PLCE1: variants seen among roughly 807,000 people sequenced by gnomAD.
PLCE1 encodes 1-phosphatidylinositol 4,5-bisphosphate phosphodiesterase epsilon-1.
PLCE1 carries 119 observed loss-of-function variants against 242.8 expected under a neutral mutation model. The observed-to-expected ratio is 0.49, with a 90% CI of 0.42 to 0.57. PLCE1 has a LOEUF of 0.57. PLCE1 is among the 20% of genes least tolerant of loss of function. PLCE1 has a pLI of 0.00. For synonymous variants in PLCE1, 945 were observed against 1,017.4 expected, an observed-to-expected ratio of 0.93 and a Z score of 1.35; for missense variants, 2,441 against 2,788.8, an observed-to-expected ratio of 0.88 and a Z score of 2.81.
At chr10:94,043,098 A>T (rs574960983) in intron 2 of PLCE1, among the ~76,000 whole-genome samples, 59 of 152,314 alleles carry the variant, frequency 3.9e-4, no homozygotes, top group African/African-American at 1.4e-3. Flanking sequence ...AGCGTGTTGT[A>T]TATTAAAGTG....
chr10:94,096,715 C>T (rs965497706), intron 2 of PLCE1: 1 of 152,262 alleles, frequency 6.6e-6, no homozygotes, highest in Admixed American at 6.5e-5. Context: ...GGCACGAAAT[C>T]ACATGATGGT....
chr10:94,144,446 G>A (rs970135064), intron 3 of PLCE1, among the ~76,000 whole-genome samples: 1 of 152,150 alleles, frequency 6.6e-6, no homozygotes, highest in Non-Finnish European at 1.5e-5. Context: ...CAGTGATTTT[G>A]AGGATGTCTG....
intron 2 of PLCE1, among the ~76,000 whole-genome samples, chr10:94,040,420 G>T (rs369699977): frequency 6.6e-6 from 1 of 151,434 alleles, no homozygotes; most frequent in South Asian, 2.1e-4. Context: ...CTGGGAATGA[G>T]ATTGTCAGTC....
intron 4 of PLCE1, among the ~76,000 whole-genome samples, chr10:94,205,290 G>T (rs1005712087): frequency 6.6e-6 from 1 of 152,082 alleles, no homozygotes; most frequent in South Asian, 2.1e-4. Flanking sequence ...AATAGTGGGG[G>T]AAGAAGAGAG....
At chr10:94,236,227 T>C in intron 7 of PLCE1, 107 bp downstream of exon 7, 1 of 853,894 alleles carries the variant, frequency 1.2e-6, no homozygotes, top group East Asian at 2.7e-5. Context: ...CATCAAAACC[T>C]GCCACTTTTA....
intron 2 of PLCE1, among the ~76,000 whole-genome samples, chr10:94,118,688 G>A (rs949563358): frequency 1.3e-5 from 2 of 152,144 alleles, no homozygotes; most frequent in African/African-American, 2.4e-5. Context: ...CAGTCATGTG[G>A]AACTATAAGT....
chr10:94,015,078 T>G (rs897006692), intron 1 of PLCE1, among the ~76,000 whole-genome samples: 1 of 152,228 alleles, frequency 6.6e-6, no homozygotes, highest in Non-Finnish European at 1.5e-5. Flanking sequence ...CTCAGTTTTC[T>G]TATCTCTAAA....
chr10:94,171,687 C>A (rs2047984214), intron 4 of PLCE1, among the ~76,000 whole-genome samples, 191 bp downstream of exon 4: 1 of 152,140 alleles, frequency 6.6e-6, no homozygotes, highest in African/African-American at 2.4e-5. Context: ...CACTGTACCC[C>A]AACTTGCCCT....
At chr10:94,239,073 G>T (rs1470099307) in intron 7 of PLCE1, among the ~76,000 whole-genome samples, 1 of 152,154 alleles carries the variant, frequency 6.6e-6, no homozygotes, top group Non-Finnish European at 1.5e-5. Context: ...TAGGGTTTTT[G>T]TGAGGATTAT....
At chr10:94,138,597 C>T (rs2046859711) in intron 3 of PLCE1, 1 of 434,644 alleles carries the variant, frequency 2.3e-6, no homozygotes, top group Non-Finnish European at 4.5e-6. Context: ...CATCAAAGGG[C>T]ATGTCAAGTG....
At chr10:94,008,796 G>A (rs1274803625) in intron 1 of PLCE1, among the ~76,000 whole-genome samples, 1 of 152,204 alleles carries the variant, frequency 6.6e-6, no homozygotes, top group Non-Finnish European at 1.5e-5. Context: ...GGCACATAAG[G>A]AGAAAGGAGG....
intron 2 of PLCE1, among the ~76,000 whole-genome samples, chr10:94,102,046 C>T (rs994749054): frequency 2.6e-5 from 4 of 152,122 alleles, no homozygotes; most frequent in African/African-American, 9.7e-5. Context: ...GAAAGGGGGG[C>T]AAATGGGTTT....
chr10:94,120,086 C>G (rs2046255752), intron 2 of PLCE1, among the ~76,000 whole-genome samples: 1 of 152,214 alleles, frequency 6.6e-6, no homozygotes, highest in East Asian at 1.9e-4. Context: ...AGGATTTTCC[C>G]CACTAGGCTG....
At chr10:94,144,236 A>G (rs950908507) in intron 3 of PLCE1, among the ~76,000 whole-genome samples, 21 of 152,172 alleles carry the variant, frequency 1.4e-4, no homozygotes, top group African/African-American at 5.1e-4. Flanking sequence ...CCATGTTCTT[A>G]ACTACTAGGA....
chr10:94,022,921 C>G (rs1301635333), intron 1 of PLCE1, among the ~76,000 whole-genome samples: 1 of 152,068 alleles, frequency 6.6e-6, no homozygotes, highest in African/African-American at 2.4e-5. Context: ...AACTATATGT[C>G]TTGGTACTAT....
At chr10:94,271,548 T>C (rs538311486) in intron 18 of PLCE1, among the ~76,000 whole-genome samples, 1 of 151,872 alleles carries the variant, frequency 6.6e-6, no homozygotes, top group South Asian at 2.1e-4. Flanking sequence ...ACTCCTGACC[T>C]CATGATCCAC....
chr10:94,098,459 A>G (rs1324499500), intron 2 of PLCE1, among the ~76,000 whole-genome samples: 3 of 152,232 alleles, frequency 2.0e-5, no homozygotes, highest in African/African-American at 4.8e-5. Flanking sequence ...TAGAGACTTC[A>G]TAAAAAAGAG....
chr10:94,019,538 G>T (rs1469152940), intron 1 of PLCE1, among the ~76,000 whole-genome samples: 1 of 152,260 alleles, frequency 6.6e-6, no homozygotes, highest in East Asian at 1.9e-4. Flanking sequence ...ATGTTTTAGA[G>T]CAGCACTGTC....
intron 11 of PLCE1, among the ~76,000 whole-genome samples, chr10:94,258,191 CT>C (rs2051171160): frequency 6.6e-6 from 1 of 152,102 alleles, no homozygotes; most frequent in East Asian, 1.9e-4. Context: ...TTTCGAACAC[CT>C]GGGGTCAAGC....
Sources: gnomAD v4.1 joint callset for allele counts (sites outside exome capture counted in the v4.1 genomes callset) on GRCh38, gnomAD v4.1.1 for gene constraint, MANE v1.5 for transcripts, NCBI Gene and HGNC (gene_info 2026-07-23, HGNC 2026-07-21) for gene names.